MDH1B: variants seen among roughly 807,000 people sequenced by gnomAD.
MDH1B encodes putative malate dehydrogenase 1B.
MDH1B carries 60 observed loss-of-function variants against 61.4 expected under a neutral mutation model. That is an observed-to-expected ratio of 0.98 (90% CI 0.79 to 1.21). MDH1B has a LOEUF of 1.21. Ranked by LOEUF, MDH1B falls within the 50% of genes most tolerant of loss-of-function variation. The pLI, the probability that MDH1B is intolerant of heterozygous loss-of-function variation, is 0.00. For missense variants in MDH1B, 587 were observed against 632.1 expected (o/e 0.93, Z 0.76); for synonymous variants, 236 against 218.7 (o/e 1.08, Z -0.70).
chr2:206,744,174 T>C (rs992459352), intron 9 of MDH1B, among the ~76,000 whole-genome samples: 1 of 152,166 alleles, frequency 6.6e-6, no homozygotes, highest in Non-Finnish European at 1.5e-5. Context: ...TTCCCTTCTA[T>C]CCGCAGGCAT....
At chr2:206,758,796 T>C (rs1574647433) in intron 2 of MDH1B, among the ~76,000 whole-genome samples, 1 of 150,086 alleles carries the variant, frequency 6.7e-6, no homozygotes, top group Non-Finnish European at 1.5e-5. Context: ...AAAAAACTAG[T>C]GAACGTGGTA....
intron 6 of MDH1B, among the ~76,000 whole-genome samples, chr2:206,750,560 C>A (rs7580138): frequency 0.25 from 38,167 of 151,200 alleles, 6,031 homozygotes; most frequent in East Asian, 0.71. Flanking sequence ...GAATGCCCAG[C>A]CTGGCCTGTG....
intron 9 of MDH1B, among the ~76,000 whole-genome samples, chr2:206,744,702 G>A (rs1687995653): frequency 6.6e-6 from 1 of 152,022 alleles, no homozygotes; most frequent in Non-Finnish European, 1.5e-5. Context: ...TGAGGTGGGT[G>A]GATCACGAGG....
At chr2:206,757,486 C>T in intron 2 of MDH1B, 115 bp from the exon 3 acceptor site, 1 of 813,350 alleles carries the variant, frequency 1.2e-6, no homozygotes, top group Non-Finnish European at 1.9e-6. Context: ...ACTATATACA[C>T]ATAATATAAT....
At chr2:206,744,258 G>A (rs1184531133) in intron 9 of MDH1B, among the ~76,000 whole-genome samples, 1 of 152,168 alleles carries the variant, frequency 6.6e-6, no homozygotes, top group Admixed American at 6.5e-5. Context: ...ATAATGTGTG[G>A]CCAGCCTCTT....
chr2:206,746,222 G>T, intron 8 of MDH1B, 65 bp downstream of exon 8: 2 of 1,392,284 alleles, frequency 1.4e-6, no homozygotes, highest in South Asian at 1.7e-5. Context: ...TGTATGCCTT[G>T]GCCTAGGAGA....
At chr2:206,741,265 A>C in intron 9 of MDH1B, 161 bp from the exon 10 acceptor site, 1 of 927,838 alleles carries the variant, frequency 1.1e-6, no homozygotes. Flanking sequence ...ATTTGTGTAC[A>C]TATTAATGAA....
rs554030041 is a variant in MDH1B, at chr2:206,763,001, C to A, written c.23-1988G>T. Among the ~76,000 whole-genome samples the A allele has an allele frequency of 4.0e-4, 61 of 152,164 alleles. 1 individual carries two copies. Among genetic ancestry groups the A allele is most frequent in the Non-Finnish European group, 7.2e-4 (49 of 68,014 alleles). On this transcript the variant is annotated intron_variant, in intron 1 of 11. Transcript: ENST00000374412. Reference sequence around the variant, plus strand: ...CATATTCTTTTTGGCCAATCTGCTTCATTCCCTTGGCTTCAAGTAGCAATC... The same window carrying A: ...CATATTCTTTTTGGCCAATCTGCTTAATTCCCTTGGCTTCAAGTAGCAATC...
At chr2:206,738,593 C>A in intron 11 of MDH1B, 82 bp from the exon 12 acceptor site, 1 of 961,686 alleles carries the variant, frequency 1.0e-6, no homozygotes, top group Non-Finnish European at 1.6e-6. Flanking sequence ...TTTTTGTTTG[C>A]TGGATTCCTG....
intron 5 of MDH1B, among the ~76,000 whole-genome samples, chr2:206,753,004 T>C (rs1426749122): frequency 6.6e-6 from 1 of 152,060 alleles, no homozygotes; most frequent in Non-Finnish European, 1.5e-5. Context: ...ACGAGGAGTT[T>C]GTATTCCTTT....
intron 4 of MDH1B, chr2:206,756,558 A>C (rs1574643471): frequency 4.4e-6 from 1 of 226,290 alleles, no homozygotes; most frequent in East Asian, 1.2e-4. Context: ...GTGGGTGCAT[A>C]GAGAAAAGGC....
chr2:206,763,109 C>G (rs1340135168), intron 1 of MDH1B, among the ~76,000 whole-genome samples: 1 of 152,066 alleles, frequency 6.6e-6, no homozygotes, highest in African/African-American at 2.4e-5. Flanking sequence ...CTCATAGACA[C>G]TCAGAAGGTC....
chr2:206,745,577 CT>C, intron 9 of MDH1B, 44 bp downstream of exon 9: 6 of 1,389,876 alleles, frequency 4.3e-6, no homozygotes, highest in Non-Finnish European at 6.1e-6. Context: ...TATTTTAATA[CT>C]CTTTTAATAG....
At position 206,756,880 on chromosome 2, in the gene MDH1B, G is replaced by A; in HGVS notation, c.413+18C>T. 3 of 1,612,218 alleles carry A rather than the reference G, an allele frequency of 1.9e-6. No homozygotes were observed. Among genetic ancestry groups the A allele is most frequent in the South Asian group, 1.1e-5 (1 of 90,618 alleles). ...ATAAAAAGTAAATCTCATGAATCCT[G>A]GGATTTGACTGTCCCACCTGGTGAT... On this transcript the variant is annotated intron_variant, in intron 4 of 11. Transcript: ENST00000374412.
Position 206,757,275 on chromosome 2 carries a change from G to A in MDH1B, c.232C>T (p.Leu78Phe), listed in dbSNP as rs767703618. The A allele has an allele frequency of 7.4e-6, 12 of 1,613,984 alleles. 1 individual carries two copies. The highest frequency in any genetic ancestry group is 3.3e-4 in the Middle Eastern group (2 of 6,058). ...ELLDRGGKGL[L>F]LGGYNEFLEH... ...AGGAACTCATTATATCCTCCCAAAA[G>A]CAAACCCTTTCCTCCACGATCCAAC... is the stretch of plus-strand genomic sequence containing the variant. Residue 78 changes from leucine (L) to phenylalanine (F), a missense_variant, in exon 3 of 12, where the codon CTT becomes TTT. Transcript: ENST00000374412.
rs1259824776 is a variant in MDH1B, at chr2:206,765,299, C to T, written c.-28G>A. 2 of 1,577,698 alleles carry T rather than the reference C, an allele frequency of 1.3e-6. No homozygotes were observed. Among genetic ancestry groups the T allele is most frequent in the African/African-American group, 1.4e-5 (1 of 72,600 alleles). On this transcript the variant is annotated 5_prime_UTR_variant, in exon 1 of 12. Transcript: ENST00000374412. ...TCGAGAGAGACTCAGAGGCAGGGAC[C>T]GCGGCTTCGCGGTTTCCTGGCAACC...
chr2:206,746,392 AG>A lies in MDH1B; in HGVS notation c.1250del (p.Ser417LeufsTer4). On this transcript the variant is annotated frameshift_variant, in exon 8 of 12. Coordinates refer to ENST00000374412, the MANE Select transcript of MDH1B (RefSeq NM_001039845.3). LOFTEE classifies it high-confidence loss of function. The stretch of plus-strand genomic sequence containing the variant: ...TTCCATTCTCAAATTTCACAGGCAT[AG>A]AAAAGACGATCCCTTTCGGAATACC... ...QFGIPKGIVF[S>X]MPVKFENGTW... 6.2e-7 allele frequency: 1 copy of A among 1,613,944 alleles called. No individual in the cohort carries two copies.
chr2:206,755,977 A>G (rs1236140201), intron 4 of MDH1B, among the ~76,000 whole-genome samples: 1 of 152,000 alleles, frequency 6.6e-6, no homozygotes, highest in Non-Finnish European at 1.5e-5. Context: ...AATCCTTACA[A>G]AGATGGTGGG....
At chr2:206,748,516 G>GCC (rs1688253201) in intron 7 of MDH1B, among the ~76,000 whole-genome samples, 1 of 152,138 alleles carries the variant, frequency 6.6e-6, no homozygotes. Context: ...GGTACCCTGA[G>GCC]ATCTGGGTCC....
Sources: gnomAD v4.1 joint callset for allele counts (sites outside exome capture counted in the v4.1 genomes callset) on GRCh38, gnomAD v4.1.1 for gene constraint, MANE v1.5 for transcripts, NCBI Gene and HGNC (gene_info 2026-07-23, HGNC 2026-07-21) for gene names.